NDST3: variants seen among roughly 807,000 people sequenced by gnomAD.
The protein encoded by NDST3 is N-deacetylase and N-sulfotransferase 3.
NDST3 carries 58 observed loss-of-function variants against 96.1 expected under a neutral mutation model. That is an observed-to-expected ratio of 0.60 (90% confidence interval 0.49 to 0.75). NDST3 has a LOEUF of 0.75. Among genes scored for constraint, NDST3 ranks in the 30% least tolerant of loss-of-function variants. The pLI is 0.00. For missense variants in NDST3, 788 were observed against 1,034.2 expected, an observed-to-expected ratio of 0.76 and a Z score of 3.27; for synonymous variants, 333 against 359.7, an observed-to-expected ratio of 0.93 and a Z score of 0.84.
intron 2 of NDST3, among the ~76,000 whole-genome samples, chr4:118,069,656 T>C (rs1444752438): frequency 6.6e-6 from 1 of 152,074 alleles, no homozygotes; most frequent in Non-Finnish European, 1.5e-5. Flanking sequence ...TGTTTGCAAA[T>C]CTAATAGGTA....
rs1359485469 is a variant in NDST3, at chr4:118,065,883, A to T, written c.981+10992A>T. On this transcript the variant is annotated intron_variant, in intron 2 of 13. Coordinates refer to ENST00000296499, the MANE Select transcript of NDST3 (RefSeq NM_004784.3). ...TTCCCCCCTTCATACATAGATCTTT[A>T]TTTTATGTAACTTCTTGTCTCTATT... 2.0e-5 allele frequency among the ~76,000 whole-genome samples: 3 copies of T among 150,070 alleles called. No individual in the cohort carries two copies. The East Asian group carries it at 5.9e-4, about 30-fold the overall frequency.
intron 2 of NDST3, among the ~76,000 whole-genome samples, chr4:118,094,663 T>C (rs1034484268): frequency 7.2e-5 from 11 of 151,982 alleles, no homozygotes; most frequent in African/African-American, 2.6e-4. Flanking sequence ...TTACCAGTAA[T>C]TAATTTATTC....
intron 6 of NDST3, among the ~76,000 whole-genome samples, chr4:118,216,750 A>G (rs1407041514): frequency 6.6e-6 from 1 of 152,118 alleles, no homozygotes; most frequent in Non-Finnish European, 1.5e-5. Flanking sequence ...GTGAATGGAG[A>G]TAAAGTTAGA....
intron 6 of NDST3, among the ~76,000 whole-genome samples, chr4:118,211,121 A>C (rs1421018302): frequency 6.6e-6 from 1 of 152,160 alleles, no homozygotes; most frequent in African/African-American, 2.4e-5. Flanking sequence ...GGATGAGAGG[A>C]GCAGATTTAA....
At chr4:118,246,749 G>A (rs566584471) in intron 12 of NDST3, among the ~76,000 whole-genome samples, 6 of 152,190 alleles carry the variant, frequency 3.9e-5, no homozygotes, top group Non-Finnish European at 7.4e-5. Context: ...TACCAGCAGC[G>A]GAAATGCCAG....
intron 6 of NDST3, chr4:118,194,786 C>A (rs186056421): frequency 4.9e-4 from 204 of 415,026 alleles, no homozygotes; most frequent in African/African-American, 3.4e-3. Flanking sequence ...GAGCTGGCAC[C>A]GGCACCAGCA....
intron 13 of NDST3, among the ~76,000 whole-genome samples, chr4:118,254,325 T>G (rs1332621433): frequency 6.6e-6 from 1 of 152,040 alleles, no homozygotes; most frequent in Non-Finnish European, 1.5e-5. Flanking sequence ...GGCAGTAATG[T>G]AAGTTACTGA....
intron 6 of NDST3, among the ~76,000 whole-genome samples, chr4:118,215,374 C>T (rs1442396617): frequency 6.6e-6 from 1 of 152,086 alleles, no homozygotes; most frequent in African/African-American, 2.4e-5. Flanking sequence ...AACCCAATGA[C>T]TACCAAGTAT....
At chr4:118,158,046 A>T (rs1734832238) in intron 6 of NDST3, among the ~76,000 whole-genome samples, 1 of 152,116 alleles carries the variant, frequency 6.6e-6, no homozygotes, top group South Asian at 2.1e-4. Flanking sequence ...TGCTGTTGGG[A>T]ACTGAGTTTT....
At chr4:118,139,479 AG>A (rs1733391798) in intron 5 of NDST3, among the ~76,000 whole-genome samples, 4 of 152,192 alleles carry the variant, frequency 2.6e-5, no homozygotes, top group African/African-American at 9.7e-5. Flanking sequence ...GGAAATGTTC[AG>A]CAGACAGTTG....
At chr4:118,071,091 A>G (rs540333693) in intron 2 of NDST3, among the ~76,000 whole-genome samples, 1 of 152,142 alleles carries the variant, frequency 6.6e-6, no homozygotes, top group Admixed American at 6.6e-5. Context: ...TCCATGGTGT[A>G]TATGTGCCAC....
intron 6 of NDST3, among the ~76,000 whole-genome samples, chr4:118,147,506 T>C (rs1309872806): frequency 6.6e-6 from 1 of 152,224 alleles, no homozygotes; most frequent in Non-Finnish European, 1.5e-5. Flanking sequence ...TAGATACTTA[T>C]ATAAAATAAA....
intron 2 of NDST3, among the ~76,000 whole-genome samples, chr4:118,059,654 G>GT (rs11384076): frequency 7.5e-5 from 11 of 146,780 alleles, no homozygotes; most frequent in African/African-American, 2.2e-4. Context: ...CCCCAGCTAA[G>GT]GGAAGCCAGA....
intron 2 of NDST3, among the ~76,000 whole-genome samples, chr4:118,070,817 G>A (rs1727004542): frequency 6.6e-6 from 1 of 151,882 alleles, no homozygotes; most frequent in Non-Finnish European, 1.5e-5. Flanking sequence ...CTCATGACAG[G>A]CCCCAGTGTG....
intron 3 of NDST3, among the ~76,000 whole-genome samples, chr4:118,113,221 GA>G (rs1387633955): frequency 3.3e-5 from 5 of 151,976 alleles, no homozygotes; most frequent in Non-Finnish European, 7.4e-5. Flanking sequence ...AAATATGTTG[GA>G]ACCTAAAAAT....
chr4:118,057,091 G>C (rs1041717048), intron 2 of NDST3, among the ~76,000 whole-genome samples: 2 of 151,928 alleles, frequency 1.3e-5, no homozygotes. Context: ...AATGGAGAAG[G>C]AAGGACCAAA....
At chr4:118,246,157 T>C (rs879352245) in intron 12 of NDST3, among the ~76,000 whole-genome samples, 3 of 152,208 alleles carry the variant, frequency 2.0e-5, no homozygotes, top group Admixed American at 6.5e-5. Flanking sequence ...TCTTCATAAA[T>C]ATGTAATCAT....
At chr4:118,127,186 C>A (rs957245437) in intron 4 of NDST3, among the ~76,000 whole-genome samples, 6 of 151,916 alleles carry the variant, frequency 3.9e-5, no homozygotes, top group Non-Finnish European at 7.4e-5. Context: ...TGTGTAGAAG[C>A]ATTTTAACTC....
At chr4:118,099,743 TC>T (rs1261800106) in intron 2 of NDST3, among the ~76,000 whole-genome samples, 1 of 152,102 alleles carries the variant, frequency 6.6e-6, no homozygotes, top group East Asian at 1.9e-4. Flanking sequence ...TTTATTTTCC[TC>T]TAAGGGTATC....
Sources: allele counts gnomAD v4.1 joint callset (sites outside exome capture counted in the v4.1 genomes callset), GRCh38; gene constraint gnomAD v4.1.1; transcripts MANE v1.5; gene names NCBI Gene and HGNC (gene_info 2026-07-23, HGNC 2026-07-21).